The following TMEM109 variants were observed in gnomAD, a reference collection of about 807,000 sequenced individuals.
TMEM109 encodes voltage-gated monoatomic cation channel TMEM109.
A neutral mutation model predicts 26.4 loss-of-function variants in TMEM109; 19 were observed. That is an observed-to-expected ratio of 0.72 (90% CI 0.50 to 1.06). The LOEUF (loss-of-function observed/expected upper bound fraction) is 1.06. Ranked by LOEUF, TMEM109 falls within the 50% of genes least tolerant of loss-of-function variation. The pLI is 0.00. For missense variants in TMEM109, 262 were observed against 303.4 expected, an observed-to-expected ratio of 0.86 and a Z score of 1.01; for synonymous variants, 129 against 142.0, an observed-to-expected ratio of 0.91 and a Z score of 0.65.
chr11:60,915,114 C>T (rs1856159074), intron 1 of TMEM109, among the ~76,000 whole-genome samples: 1 of 152,186 alleles, frequency 6.6e-6, no homozygotes. Flanking sequence ...CAAGTCTAAC[C>T]GGGAGTCGCT....
chr11:60,922,222 C>A lies in TMEM109; in HGVS notation c.*57C>A. 1 of 1,550,922 alleles carries A rather than the reference C, an allele frequency of 6.4e-7. No homozygotes were observed. The highest frequency in any genetic ancestry group is 1.2e-5 in the South Asian group (1 of 84,246). On this transcript the variant is annotated 3_prime_UTR_variant, in exon 4 of 4. Coordinates refer to ENST00000227525, the MANE Select transcript of TMEM109 (RefSeq NM_024092.3). Reference sequence around the variant, plus strand: ...CCAAAGAGCTGAGCTGCTTCGGGGCCATGCAGCCCTCCTGCCAGCCCCCTG... The same window carrying A: ...CCAAAGAGCTGAGCTGCTTCGGGGCAATGCAGCCCTCCTGCCAGCCCCCTG...
intron 3 of TMEM109, among the ~76,000 whole-genome samples, chr11:60,921,488 C>T (rs1314678979): frequency 6.6e-6 from 1 of 152,164 alleles, no homozygotes; most frequent in Non-Finnish European, 1.5e-5. Context: ...AGGCATCGTG[C>T]TGAGCTGTAG....
At chr11:60,915,631 G>A (rs1856164719) in intron 1 of TMEM109, among the ~76,000 whole-genome samples, 1 of 152,316 alleles carries the variant, frequency 6.6e-6, no homozygotes, top group East Asian at 1.9e-4. Context: ...GAGCAGCGGC[G>A]GGACAGTCAG....
chr11:60,921,191 G>C lies in TMEM109; in HGVS notation c.340+203G>C, dbSNP rs185766806. On this transcript the variant is annotated intron_variant, in intron 3 of 3. Transcript: ENST00000227525. ...CGCCTGTAATCCCAGCACTTTGGGAGGTCAAGGCAGGAGGGTCACTTGAGG... is the reference window on the plus strand; with the variant it reads ...CGCCTGTAATCCCAGCACTTTGGGACGTCAAGGCAGGAGGGTCACTTGAGG... 3.0e-3 allele frequency among the ~76,000 whole-genome samples: 461 copies of C among 152,304 alleles called. 1 individual carries two copies. The highest frequency in any genetic ancestry group is 1.0e-2 in the African/African-American group (414 of 41,554).
chr11:60,923,053 T>G lies in TMEM109; in HGVS notation c.*888T>G, dbSNP rs1401190758. The G allele has an allele frequency of 6.6e-6, 1 of 152,596 alleles. No homozygotes were observed. The highest frequency in any genetic ancestry group is 1.5e-5 in the Non-Finnish European group (1 of 68,146). 9.5% of individuals were successfully genotyped at this position (152,596 alleles called of 1,614,324 possible). A position where few individuals can be genotyped will look rare whatever the true frequency, so the allele number is the denominator to read the frequency against. On this transcript the variant is annotated 3_prime_UTR_variant, in exon 4 of 4. Coordinates refer to ENST00000227525, the MANE Select transcript of TMEM109 (RefSeq NM_024092.3). ...CCGCCTCCTTGTCTGCACAACTGCA[T>G]GCACTTCTCTCCCCATCGCTCCACA...
intron 1 of TMEM109, 87 bp downstream of exon 1, chr11:60,914,355 A>T (rs1349041017): frequency 6.6e-6 from 1 of 152,220 alleles, no homozygotes. Context: ...CGGAGCCGCG[A>T]GGCCTGGAGA....
intron 2 of TMEM109, 49 bp from the exon 3 acceptor site, chr11:60,920,837 A>T (rs1405032678): frequency 2.0e-6 from 3 of 1,494,310 alleles, no homozygotes; most frequent in Non-Finnish European, 1.9e-6. Flanking sequence ...CGTGAAGGCG[A>T]GGACCGTTGT....
intron 3 of TMEM109, among the ~76,000 whole-genome samples, chr11:60,921,351 T>C (rs1465302852): frequency 2.0e-5 from 3 of 151,836 alleles, no homozygotes; most frequent in South Asian, 2.1e-4. Flanking sequence ...GCCCAGGAGG[T>C]AGAGGTTGCA....
intron 2 of TMEM109, among the ~76,000 whole-genome samples, chr11:60,920,620 C>T (rs1291447784): frequency 2.6e-5 from 4 of 152,204 alleles, no homozygotes. Flanking sequence ...CCCAGCAAAG[C>T]AGTTAAATTA....
rs574654413 is a variant in TMEM109, at chr11:60,919,104, G to A, written c.-8-582G>A. The A allele has an allele frequency of 8.4e-5, 13 of 155,472 alleles. No homozygotes were observed. The South Asian group carries it at 9.8e-4, about 12-fold the overall frequency. 9.6% of individuals were successfully genotyped at this position (155,472 alleles called of 1,614,324 possible). ...AACTTCTGAGTCACAGTTTCTTCTC[G>A]TCTGTACCAGTAGGGGCGAGGAGGA... is the stretch of plus-strand genomic sequence containing the variant. On this transcript the variant is annotated intron_variant, in intron 1 of 3. Coordinates refer to ENST00000227525, the MANE Select transcript of TMEM109 (RefSeq NM_024092.3).
chr11:60,919,227 T>C (rs1189332544), intron 1 of TMEM109: 1 of 186,614 alleles, frequency 5.4e-6, no homozygotes, highest in Non-Finnish European at 1.2e-5. Context: ...TATACCATTA[T>C]ATGGCAGTAA....
chr11:60,921,700 C>T (rs1197555401), intron 3 of TMEM109, 74 bp from the exon 4 acceptor site: 9 of 1,196,552 alleles, frequency 7.5e-6, no homozygotes, highest in South Asian at 1.4e-5. Context: ...ACCTCCCACC[C>T]TTTTAGCTCT....
At chr11:60,914,810 C>T (rs1203965137) in intron 1 of TMEM109, among the ~76,000 whole-genome samples, 1 of 152,262 alleles carries the variant, frequency 6.6e-6, no homozygotes, top group Non-Finnish European at 1.5e-5. Context: ...TGCCCCCAAA[C>T]AGTTGCTGGG....
At chr11:60,921,048 G>GAA in intron 3 of TMEM109, 60 bp downstream of exon 3, 1 of 1,440,778 alleles carries the variant, frequency 6.9e-7, no homozygotes. Context: ...CTACTTGTGG[G>GAA]AGTTCATCTT....
At position 60,919,779 on chromosome 11, in the gene TMEM109, A is replaced by G; in HGVS notation, c.86A>G (p.His29Arg). ...LMVLVALILL[H>R]SALAQSRRDF... ...GTCCTAGTGGCCCTTATCCTCCTCC[A>G]CTCAGCATTGGCCCAGTCCCGTCGA... The change falls in exon 2 of 4, where the codon CAC (histidine) becomes CGC (arginine). Residue 29 changes from histidine (H) to arginine (R), a missense_variant. By Grantham distance (29) the His-to-Arg change is conservative (BLOSUM62 0). Transcript: ENST00000227525. 1.2e-6 allele frequency: 2 copies of G among 1,613,992 alleles called. No homozygotes were observed. Among genetic ancestry groups the G allele is most frequent in the Non-Finnish European group, 1.7e-6 (2 of 1,180,002 alleles).
Position 60,919,814 on chromosome 11 carries a change from C to G in TMEM109, c.121C>G (p.Pro41Ala). 1 of 1,614,166 alleles carries G rather than the reference C, an allele frequency of 6.2e-7. No homozygotes were observed. The highest frequency in any genetic ancestry group is 1.3e-5 in the African/African-American group (1 of 75,012). The change falls in exon 2 of 4, where the codon CCA becomes GCA. Residue 41 changes from proline to alanine, a missense_variant. By Grantham distance (27) the Pro-to-Ala change is conservative. Transcript: ENST00000227525. ...ALAQSRRDFA[P>A]PGQQKREAPV... ...GGCCCAGTCCCGTCGAGACTTTGCA[C>G]CACCAGGCCAACAGAAGAGAGAAGC...
Position 60,922,000 on chromosome 11 carries a change from C to T in TMEM109, c.567C>T (p.Leu189=), listed in dbSNP as rs752131626. 18 of 1,613,268 alleles carry T rather than the reference C, an allele frequency of 1.1e-5. No individual in the cohort carries two copies. Among genetic ancestry groups the T allele is most frequent in the African/African-American group, 4.0e-5 (3 of 74,954 alleles). Residue 189 remains leucine, a synonymous_variant, in exon 4 of 4, where the codon CTC becomes CTT. Coordinates refer to ENST00000227525, the MANE Select transcript of TMEM109 (RefSeq NM_024092.3). The stretch of plus-strand genomic sequence containing the variant: ...ACCCTTCCACCCGGGCCCTGCTACT[C>T]CTGGCCTTGCTGATCCTCTACGCCC... ...VPDPSTRALL[L]LALLILYALL... is the part of the protein sequence containing the mutation.
In TMEM109 at chr11:60,921,916, G is replaced by A. The variant is rs1393688179; in HGVS notation, c.483G>A (p.Trp161Ter). The change falls in exon 4 of 4, where the codon TGG (tryptophan) becomes TGA (stop). Residue 161 changes from tryptophan to a stop codon, truncating the protein, a stop_gained. Coordinates refer to ENST00000227525, the MANE Select transcript of TMEM109 (RefSeq NM_024092.3). LOFTEE classifies it high-confidence loss of function. ...LVLALLGRIL[W>*]GLKLVIFLAG... ...TGGCCTTGCTGGGGCGGATCCTGTG[G>A]GGCCTGAAGCTTGTCATCTTCCTGG... 35 of 1,614,040 alleles carry A rather than the reference G, an allele frequency of 2.2e-5. No homozygotes were observed. The highest frequency in any genetic ancestry group is 2.9e-5 in the Non-Finnish European group (34 of 1,180,042).
chr11:60,922,140 G>T lies in TMEM109; in HGVS notation c.707G>T (p.Gly236Val). ...TGGCGCCAGAGGCGAGCGGCCAAGG[G>T]GGCCCGCAGTGTGGAGGAGGAGTGA... ...LRWRQRRAAKGARSVEEE is the reference protein window; with the variant it reads ...LRWRQRRAAKVARSVEEE The change falls in exon 4 of 4, where the codon GGG becomes GTG. Residue 236 changes from glycine to valine, a missense_variant. Coordinates refer to ENST00000227525, the MANE Select transcript of TMEM109 (RefSeq NM_024092.3). The T allele has an allele frequency of 3.7e-6, 6 of 1,601,644 alleles. No homozygotes were observed. Among genetic ancestry groups the T allele is most frequent in the Non-Finnish European group, 5.1e-6 (6 of 1,174,440 alleles).
Sources: gnomAD v4.1 joint callset for allele counts (sites outside exome capture counted in the v4.1 genomes callset) on GRCh38, gnomAD v4.1.1 for gene constraint, MANE v1.5 for transcripts, NCBI Gene and HGNC (gene_info 2026-07-23, HGNC 2026-07-21) for gene names.